PLAGL1: variants seen among roughly 807,000 people sequenced by gnomAD.
PLAGL1 encodes the protein PLAG1 like zinc finger 1.
A neutral mutation model predicts 4.6 loss-of-function variants in PLAGL1; 1 was observed. The observed-to-expected ratio is 0.22, with a 90% CI of 0.08 to 1.03. The LOEUF (loss-of-function observed/expected upper bound fraction) is 1.03, where lower values mean the gene tolerates loss of function less well. Among genes scored for constraint, PLAGL1 ranks in the 50% least tolerant of loss-of-function variants. The pLI is 0.58. For missense variants in PLAGL1, 464 were observed against 570.4 expected, an observed-to-expected ratio of 0.81 and a Z score of 1.90; for synonymous variants, 240 against 237.8, an observed-to-expected ratio of 1.01 and a Z score of -0.08.
intron 1 of PLAGL1, chr6:144,037,415 C>CAAAAAAAAAA (rs34570725): frequency 3.4e-5 from 3 of 88,120 alleles, no homozygotes; most frequent in African/African-American, 4.4e-5. Flanking sequence ...CCATCTCTAC[C>CAAAAAAAAAA]AAAAAAAAAA....
upstream of PLAGL1, among the ~76,000 whole-genome samples, chr6:144,009,953 A>C (rs576053863): frequency 7.2e-5 from 11 of 152,274 alleles, 1 homozygote; most frequent in South Asian, 2.3e-3. Flanking sequence ...AGTCTTTGCT[A>C]TTGTGAATAG....
In PLAGL1 at chr6:143,989,342, T is replaced by C. The variant is rs1789912508; in HGVS notation, c.-583-4168A>G. On this transcript the variant is annotated intron_variant, in intron 1 of 7. Coordinates refer to ENST00000674357, the MANE Select transcript of PLAGL1 (RefSeq NM_001317162.2). This position sits in a 1 kb window ranked among gnomAD's most constrained non-coding sequence, Gnocchi z 4.8. ...AGGTTAAACATTATTTCTGGCTACGTCCATGCAGGTATTTCTGGATGAAAT... is the reference window on the plus strand; with the variant it reads ...AGGTTAAACATTATTTCTGGCTACGCCCATGCAGGTATTTCTGGATGAAAT... Among the ~76,000 whole-genome samples, 1 of 152,198 alleles carries C rather than the reference T, an allele frequency of 6.6e-6. No individual in the cohort carries two copies. The highest frequency in any genetic ancestry group is 1.5e-5 in the Non-Finnish European group (1 of 68,028).
At chr6:144,023,024 T>C (rs11155340) in intron 1 of PLAGL1, among the ~76,000 whole-genome samples, 7 of 152,112 alleles carry the variant, frequency 4.6e-5, no homozygotes, top group Admixed American at 1.3e-4. Context: ...AACTATGATA[T>C]ATCCATAATG....
chr6:144,061,539 G>T lies in PLAGL1; in HGVS notation c.-151+2929C>A, dbSNP rs993541507. Among the ~76,000 whole-genome samples, 21 of 152,260 alleles carry T rather than the reference G, an allele frequency of 1.4e-4. No individual in the cohort carries two copies. The South Asian group carries it at 2.1e-3, about 15-fold the overall frequency. On this transcript the variant is annotated intron_variant, in intron 1 of 3. Coordinates refer to the PLAGL1 transcript ENST00000437412. The surrounding 1 kb of genome is among the most constrained non-coding windows in gnomAD (Gnocchi z 4.4). The stretch of plus-strand genomic sequence containing the variant: ...CAATGAGCAGACACAGCTAATTGAG[G>T]ACCTTGTTCAAGGTCACCAGCCAGT...
In PLAGL1 at chr6:144,059,238, G is replaced by A. The variant is rs188591542; in HGVS notation, c.-151+5230C>T. Among the ~76,000 whole-genome samples, 2 of 152,334 alleles carry A rather than the reference G, an allele frequency of 1.3e-5. No individual in the cohort carries two copies. Among genetic ancestry groups the A allele is most frequent in the East Asian group, 3.9e-4 (2 of 5,182 alleles). On this transcript the variant is annotated intron_variant, in intron 1 of 3. Transcript: ENST00000437412. This position sits in a 1 kb window ranked among gnomAD's most constrained non-coding sequence, Gnocchi z 4.9. ...AAAGCCACAGCCGGAGCTCTACCTG[G>A]GGCCCTTTGAACCAAGACTGGAACT...
At chr6:144,057,849 C>A (rs1799098203) in intron 1 of PLAGL1, among the ~76,000 whole-genome samples, 1 of 150,340 alleles carries the variant, frequency 6.7e-6, no homozygotes, top group African/African-American at 2.5e-5. Flanking sequence ...GGTTCATGGA[C>A]TCATGCAAAT....
Position 144,016,051 on chromosome 6 carries a change from C to A in PLAGL1, c.-150-47073G>T, listed in dbSNP as rs1237979963. On this transcript the variant is annotated intron_variant, in intron 1 of 3. Coordinates refer to the PLAGL1 transcript ENST00000437412. The surrounding 1 kb of genome is among the most constrained non-coding windows in gnomAD (Gnocchi z 4.2). ...CAACACTGTGCGGAGTCAAAGAAAT[C>A]ATATTGTATTAGTCAGGGTTCTCTA... 6.6e-6 allele frequency among the ~76,000 whole-genome samples: 1 copy of A among 151,992 alleles called. No homozygotes were observed.
chr6:144,059,426 G>A lies in PLAGL1; in HGVS notation c.-151+5042C>T, dbSNP rs1458421231. On this transcript the variant is annotated intron_variant, in intron 1 of 3. Coordinates refer to the PLAGL1 transcript ENST00000437412. The surrounding 1 kb of genome is among the most constrained non-coding windows in gnomAD (Gnocchi z 4.9). ...TCCTCCACCAACTGGGCAGGATTCA[G>A]GGGCCTTTGTGTCTGTTAACAAAGC... 1.3e-5 allele frequency among the ~76,000 whole-genome samples: 2 copies of A among 152,204 alleles called. No homozygotes were observed. The highest frequency in any genetic ancestry group is 2.9e-5 in the Non-Finnish European group (2 of 68,032).
chr6:144,060,193 G>A (rs1050671339), intron 1 of PLAGL1, among the ~76,000 whole-genome samples: 5 of 151,944 alleles, frequency 3.3e-5, no homozygotes, highest in East Asian at 1.9e-4. Context: ...GACTACAGGC[G>A]TAGTCCACCA....
intron 1 of PLAGL1, among the ~76,000 whole-genome samples, chr6:144,024,334 T>C (rs988877490): frequency 2.6e-5 from 4 of 152,170 alleles, no homozygotes; most frequent in Non-Finnish European, 4.4e-5. Flanking sequence ...ATGATATGGT[T>C]TGGCTGTGTC....
intron 1 of PLAGL1, among the ~76,000 whole-genome samples, chr6:143,987,109 TTTAAA>T (rs1404963494): frequency 2.0e-5 from 3 of 152,210 alleles, no homozygotes; most frequent in Non-Finnish European, 2.9e-5. Flanking sequence ...AAAAGAAACC[TTTAAA>T]TTAAAATGCT....
chr6:143,958,137 C>T lies in PLAGL1; in HGVS notation c.-325+2332G>A, dbSNP rs1782557839. Among the ~76,000 whole-genome samples, 1 of 152,138 alleles carries T rather than the reference C, an allele frequency of 6.6e-6. No individual in the cohort carries two copies. Among genetic ancestry groups the T allele is most frequent in the African/African-American group, 2.4e-5 (1 of 41,424 alleles). On this transcript the variant is annotated intron_variant, in intron 6 of 7. Transcript: ENST00000674357. This position sits in a 1 kb window ranked among gnomAD's most constrained non-coding sequence, Gnocchi z 5.1. Reference sequence around the variant, plus strand: ...CAGGGATAGTGCACCTGGCAGGGGACACTGGGTTTATCCTACAGGGAACTG... The same window carrying T: ...CAGGGATAGTGCACCTGGCAGGGGATACTGGGTTTATCCTACAGGGAACTG...
rs535850507 is a variant in PLAGL1 at position 144,017,880 on chromosome 6, C to T, written c.-151+46588G>A. On this transcript the variant is annotated intron_variant, in intron 1 of 3. Transcript: ENST00000437412. ...ACTCACAGGATGTTTACTCTGACTG[C>T]AGTAAGACTCTCCAGTCTCCTTCAC... 3.9e-5 allele frequency among the ~76,000 whole-genome samples: 6 copies of T among 152,278 alleles called. No homozygotes were observed. The South Asian group carries it at 1.2e-3, about 32-fold the overall frequency.
chr6:143,976,413 C>T (rs946259381), intron 2 of PLAGL1, among the ~76,000 whole-genome samples: 1 of 150,720 alleles, frequency 6.6e-6, no homozygotes, highest in Non-Finnish European at 1.5e-5. Flanking sequence ...TCATCCAAGG[C>T]CTTGATATTA....
chr6:144,039,021 T>C lies in PLAGL1; in HGVS notation c.-151+25447A>G, dbSNP rs1394354631. Among the ~76,000 whole-genome samples the C allele has an allele frequency of 6.6e-6, 1 of 152,178 alleles. No individual in the cohort carries two copies. The highest frequency in any genetic ancestry group is 1.5e-5 in the Non-Finnish European group (1 of 68,032). On this transcript the variant is annotated intron_variant, in intron 1 of 3. Transcript: ENST00000437412. The surrounding 1 kb of genome is among the most constrained non-coding windows in gnomAD (Gnocchi z 4.1). Reference sequence around the variant, plus strand: ...CCAAGAGACACATCATAAAAATTGCTGAGAGCCAGTAATATAGAAAATAAA... The same window carrying C: ...CCAAGAGACACATCATAAAAATTGCCGAGAGCCAGTAATATAGAAAATAAA...
intron 1 of PLAGL1, among the ~76,000 whole-genome samples, chr6:144,038,684 G>A (rs1180883894): frequency 6.6e-6 from 1 of 152,128 alleles, no homozygotes; most frequent in Non-Finnish European, 1.5e-5. Context: ...GCTACAACAT[G>A]GGTGGCCTTT....
chr6:144,046,481 C>T (rs1253281103), intron 1 of PLAGL1, among the ~76,000 whole-genome samples: 2 of 152,302 alleles, frequency 1.3e-5, no homozygotes, highest in East Asian at 3.9e-4. Context: ...TGGAGGTCTA[C>T]TCCAGACCCT....
In PLAGL1 at chr6:144,022,812, G is replaced by A. The variant is rs961195700; in HGVS notation, c.-151+41656C>T. Reference sequence around the variant, plus strand: ...TTCCTTTATAAATTATGCAGTCTCAGGTATGTCTTTATTGCAGCATGAGAA... The same window carrying A: ...TTCCTTTATAAATTATGCAGTCTCAAGTATGTCTTTATTGCAGCATGAGAA... On this transcript the variant is annotated intron_variant, in intron 1 of 3. Transcript: ENST00000437412. The surrounding 1 kb of genome is among the most constrained non-coding windows in gnomAD (Gnocchi z 4.2). 2.0e-4 allele frequency among the ~76,000 whole-genome samples: 31 copies of A among 152,204 alleles called. No individual in the cohort carries two copies. The highest frequency in any genetic ancestry group is 7.5e-4 in the African/African-American group (31 of 41,526).
chr6:144,033,200 T>C (rs1796960961), intron 1 of PLAGL1, among the ~76,000 whole-genome samples: 1 of 152,222 alleles, frequency 6.6e-6, no homozygotes, highest in Admixed American at 6.5e-5. Flanking sequence ...CTACTGCCTG[T>C]AATTGCTAAA....
Sources: allele counts gnomAD v4.1 joint callset (sites outside exome capture counted in the v4.1 genomes callset), GRCh38; gene constraint gnomAD v4.1.1; non-coding constraint Gnocchi (gnomAD v3.1); transcripts MANE v1.5; gene names NCBI Gene and HGNC (gene_info 2026-07-23, HGNC 2026-07-21).